The following DGKB variants were observed in gnomAD, a reference collection of about 807,000 sequenced individuals.
DGKB encodes the protein diacylglycerol kinase beta, also known as 90 kDa diacylglycerol kinase.
In DGKB, 67 loss-of-function variants were observed where a neutral mutation model predicts 114.3. The ratio of observed to expected loss-of-function variants is 0.59; its 90% confidence interval spans 0.48 to 0.72. The LOEUF (loss-of-function observed/expected upper bound fraction) is 0.72, where lower values mean the gene tolerates loss of function less well. Among genes scored for constraint, DGKB ranks in the 30% least tolerant of loss-of-function variants. DGKB has a pLI of 0.00. For missense variants in DGKB, 907 were observed against 975.2 expected (o/e 0.93, Z 0.93); for synonymous variants, 398 against 323.1 (o/e 1.23, Z -2.49).
chr7:14,288,848 G>C (rs1389801942), intron 23 of DGKB, among the ~76,000 whole-genome samples: 2 of 152,170 alleles, frequency 1.3e-5, no homozygotes, highest in African/African-American at 4.8e-5. Context: ...TGGTGGGTCA[G>C]TCTGGTTCTG....
chr7:14,859,345 A>T (rs1437189270), intron 1 of DGKB, among the ~76,000 whole-genome samples: 1 of 152,156 alleles, frequency 6.6e-6, no homozygotes, highest in Non-Finnish European at 1.5e-5. Context: ...ATGAGATTTG[A>T]TTTCCCAGTT....
chr7:14,501,942 G>C (rs1036389301), intron 20 of DGKB, among the ~76,000 whole-genome samples: 1 of 151,958 alleles, frequency 6.6e-6, no homozygotes, highest in African/African-American at 2.4e-5. Context: ...TGAGGTTTTT[G>C]AGGGTCTTGG....
intron 21 of DGKB, among the ~76,000 whole-genome samples, chr7:14,406,565 G>A (rs1778792484): frequency 6.6e-6 from 1 of 151,876 alleles, no homozygotes; most frequent in Non-Finnish European, 1.5e-5. Flanking sequence ...CTGTTATATG[G>A]AAAACCATAA....
intron 13 of DGKB, among the ~76,000 whole-genome samples, chr7:14,647,535 A>G (rs1563781490): frequency 1.3e-5 from 2 of 152,172 alleles, no homozygotes; most frequent in African/African-American, 4.8e-5. Context: ...AACAACAACA[A>G]ACTACAGGCC....
In DGKB at chr7:14,613,367, G is replaced by T; in HGVS notation, c.1331C>A (p.Pro444His). ...GTHPLLVFVN[P>H]KSGGKQGERI... is the part of the protein sequence containing the mutation. ...TTCTCCTTGTTTTCCACCACTTTTG[G>T]GGTTCACAAAAACTAAAAGTGGGTG... is the stretch of plus-strand genomic sequence containing the variant. The change falls in exon 16 of 26, where the codon CCC becomes CAC. Residue 444 changes from proline (P) to histidine (H), a missense_variant. Transcript: ENST00000402815. 6.4e-7 allele frequency: 1 copy of T among 1,570,570 alleles called. No homozygotes were observed.
intron 4 of DGKB, among the ~76,000 whole-genome samples, chr7:14,740,752 G>A (rs1832465136): frequency 6.6e-6 from 1 of 151,952 alleles, no homozygotes; most frequent in African/African-American, 2.4e-5. Context: ...TTATAGCAGG[G>A]GGAAAGGCAG....
chr7:14,796,223 A>G (rs928315848), intron 2 of DGKB, among the ~76,000 whole-genome samples: 3 of 152,332 alleles, frequency 2.0e-5, no homozygotes, highest in Middle Eastern at 3.4e-3. Flanking sequence ...CAAGGCCCAC[A>G]GTAGAGGACC....
chr7:14,684,522 G>A (rs990550182), intron 10 of DGKB, among the ~76,000 whole-genome samples: 1 of 152,088 alleles, frequency 6.6e-6, no homozygotes, highest in Non-Finnish European at 1.5e-5. Context: ...AGGTAGATAT[G>A]CTGTAGATTT....
At chr7:14,598,697 A>C (rs1025649335) in intron 17 of DGKB, among the ~76,000 whole-genome samples, 25 of 152,304 alleles carry the variant, frequency 1.6e-4, no homozygotes, top group African/African-American at 5.8e-4. Context: ...CTTTTGCTGA[A>C]AAGTGTTATT....
At chr7:14,826,080 G>A (rs76986321) in intron 2 of DGKB, among the ~76,000 whole-genome samples, 1 of 152,124 alleles carries the variant, frequency 6.6e-6, no homozygotes, top group African/African-American at 2.4e-5. Flanking sequence ...TCTGGGGCTT[G>A]CACGAAGTAG....
At chr7:14,675,749 T>C (rs901785395) in intron 12 of DGKB, among the ~76,000 whole-genome samples, 3 of 151,950 alleles carry the variant, frequency 2.0e-5, no homozygotes, top group Non-Finnish European at 2.9e-5. Context: ...AGTCACACAA[T>C]GCAAGAAAAT....
At chr7:14,325,702 G>GT (rs1022885145) in intron 23 of DGKB, among the ~76,000 whole-genome samples, 36 of 152,082 alleles carry the variant, frequency 2.4e-4, no homozygotes, top group African/African-American at 8.2e-4. Flanking sequence ...TCATAATATG[G>GT]TTTTTTTACA....
chr7:14,251,541 C>T (rs1243767285), intron 23 of DGKB, among the ~76,000 whole-genome samples: 3 of 152,106 alleles, frequency 2.0e-5, no homozygotes, highest in African/African-American at 7.2e-5. Context: ...TATATACTAT[C>T]ACTACAGTAT....
At chr7:14,500,807 A>G in intron 20 of DGKB, among the ~76,000 whole-genome samples, 1 of 151,816 alleles carries the variant, frequency 6.6e-6, no homozygotes, top group Admixed American at 6.6e-5. Flanking sequence ...GGGCTAGAAG[A>G]AACAGGACAA....
At chr7:14,526,308 C>T (rs1343386509) in intron 20 of DGKB, among the ~76,000 whole-genome samples, 2 of 152,032 alleles carry the variant, frequency 1.3e-5, no homozygotes, top group Admixed American at 6.6e-5. Flanking sequence ...TATCCCTGGT[C>T]TGTACTCATA....
intron 25 of DGKB, among the ~76,000 whole-genome samples, chr7:14,172,140 G>A (rs1346707658): frequency 6.6e-6 from 1 of 152,016 alleles, no homozygotes; most frequent in Non-Finnish European, 1.5e-5. Context: ...CTAAAGAAGA[G>A]GAAAAATTTG....
chr7:14,484,477 C>G (rs1252367572), intron 20 of DGKB, among the ~76,000 whole-genome samples: 1 of 152,132 alleles, frequency 6.6e-6, no homozygotes. Flanking sequence ...CTCATGAGAT[C>G]TGGCTTCCTA....
intron 20 of DGKB, among the ~76,000 whole-genome samples, chr7:14,496,612 T>A (rs1447959310): frequency 6.6e-6 from 1 of 151,766 alleles, no homozygotes; most frequent in African/African-American, 2.4e-5. Flanking sequence ...ACATAGAACT[T>A]CTGTTAGGCA....
At chr7:14,687,077 C>T (rs1023184226) in intron 9 of DGKB, among the ~76,000 whole-genome samples, 2 of 152,058 alleles carry the variant, frequency 1.3e-5, no homozygotes, top group South Asian at 2.1e-4. Context: ...GTTTCCAAAA[C>T]GTGATGCTGT....
Sources: allele counts gnomAD v4.1 joint callset (sites outside exome capture counted in the v4.1 genomes callset), GRCh38; gene constraint gnomAD v4.1.1; transcripts MANE v1.5; gene names NCBI Gene and HGNC (gene_info 2026-07-23, HGNC 2026-07-21).